Variants in SP140 observed in about 807,000 individuals in gnomAD.
SP140 encodes the protein SP140 nuclear body protein, also known as nuclear body protein SP140.
Under a neutral mutation model 125.0 loss-of-function variants are expected in SP140, and 81 were observed. The observed-to-expected ratio is 0.65, with a 90% CI of 0.54 to 0.78. The LOEUF (loss-of-function observed/expected upper bound fraction) is 0.78. Among genes scored for constraint, SP140 ranks in the 30% least tolerant of loss-of-function variants. The pLI is 0.00. For synonymous variants in SP140, 312 were observed against 354.0 expected, an observed-to-expected ratio of 0.88 and a Z score of 1.33; for missense variants, 858 against 1,037.0, an observed-to-expected ratio of 0.83 and a Z score of 2.37.
At chr2:230,301,214 A>G (rs10174945) in intron 22 of SP140, among the ~76,000 whole-genome samples, 1,684 of 152,348 alleles carry the variant, frequency 0.011, 34 homozygotes, top group African/African-American at 0.038. Flanking sequence ...TTTGGAAAAC[A>G]TATTCGCGGG....
intron 1 of SP140, among the ~76,000 whole-genome samples, chr2:230,231,417 G>A (rs1416471282): frequency 6.6e-6 from 1 of 152,136 alleles, no homozygotes; most frequent in Non-Finnish European, 1.5e-5. Context: ...TAGGAAATGG[G>A]CCATATCTAA....
chr2:230,249,312 G>C (rs1457156186), intron 9 of SP140, among the ~76,000 whole-genome samples: 2 of 152,108 alleles, frequency 1.3e-5, no homozygotes, highest in Non-Finnish European at 2.9e-5. Context: ...ACGCAGGGGA[G>C]AATGTTTTCA....
At chr2:230,254,813 A>G (rs1460777626) in intron 11 of SP140, among the ~76,000 whole-genome samples, 2 of 152,146 alleles carry the variant, frequency 1.3e-5, no homozygotes, top group African/African-American at 2.4e-5. Context: ...GCCCCAGCCC[A>G]TATCATCTGT....
chr2:230,310,134 G>T (rs967482306), intron 23 of SP140, 95 bp downstream of exon 23: 2 of 1,223,246 alleles, frequency 1.6e-6, no homozygotes, highest in African/African-American at 3.0e-5. Context: ...GTGTCTAGAT[G>T]GGGAAAGAGC....
At chr2:230,216,908 G>T (rs768410119) in intron 3 of SP140, 3 of 1,613,734 alleles carry the variant, frequency 1.9e-6, no homozygotes, top group Non-Finnish European at 2.5e-6. Context: ...CTCTTCCATG[G>T]CTCTTGTCAT....
chr2:230,276,674 C>G (rs2054760052), intron 15 of SP140, among the ~76,000 whole-genome samples: 1 of 152,152 alleles, frequency 6.6e-6, no homozygotes, highest in Non-Finnish European at 1.5e-5. Flanking sequence ...ATAGCTGTCT[C>G]TATACATAAT....
intron 3 of SP140, chr2:230,219,700 T>A (rs1183031651): frequency 6.5e-6 from 1 of 154,958 alleles, no homozygotes; most frequent in East Asian, 1.9e-4. Context: ...GTGTCAGTGT[T>A]CCCTCCATGT....
At chr2:230,207,878 C>T in intron 1 of SP140, 1 of 690,012 alleles carries the variant, frequency 1.4e-6, no homozygotes, top group Admixed American at 2.4e-5. Context: ...GACTAAATCT[C>T]TTCAATGGCT....
Position 230,237,029 on chromosome 2 carries a change from A to C in SP140, c.60-54A>C. The stretch of plus-strand genomic sequence containing the variant: ...TCATGTCTAAAATCTTCTAACCACC[A>C]CAAACCTCTTGGAAACTCAGTGTCT... On this transcript the variant is annotated intron_variant, in intron 1 of 26. Coordinates refer to ENST00000392045, the MANE Select transcript of SP140 (RefSeq NM_007237.5). The surrounding 1 kb of genome is among the most constrained non-coding windows in gnomAD (Gnocchi z 5.4). 1 of 1,446,958 alleles carries C rather than the reference A, an allele frequency of 6.9e-7. No individual in the cohort carries two copies. Among genetic ancestry groups the C allele is most frequent in the South Asian group, 1.5e-5 (1 of 66,644 alleles). 89.6% of individuals were successfully genotyped at this position (1,446,958 alleles called of 1,614,324 possible).
chr2:230,292,547 AT>A (rs1240103597), intron 19 of SP140, 98 bp from the exon 20 acceptor site: 6 of 1,490,552 alleles, frequency 4.0e-6, no homozygotes, highest in African/African-American at 1.4e-5. Flanking sequence ...ATTGATCTGC[AT>A]CACAAATTGG....
intron 3 of SP140, among the ~76,000 whole-genome samples, chr2:230,240,811 C>T (rs764762559): frequency 1.2e-4 from 19 of 152,108 alleles, no homozygotes; most frequent in Non-Finnish European, 2.5e-4. Context: ...TAGGTATTTA[C>T]ATGAGAGAAA....
At chr2:230,238,972 G>A in intron 3 of SP140, 2 of 1,507,512 alleles carry the variant, frequency 1.3e-6, no homozygotes, top group South Asian at 1.3e-5. Context: ...TGACTCTGGA[G>A]AAAGAAGTTG....
At chr2:230,301,214 A>T (rs10174945) in intron 22 of SP140, among the ~76,000 whole-genome samples, 1 of 152,236 alleles carries the variant, frequency 6.6e-6, no homozygotes, top group Non-Finnish European at 1.5e-5. Context: ...TTTGGAAAAC[A>T]TATTCGCGGG....
At chr2:230,273,747 C>G (rs960213961) in intron 15 of SP140, among the ~76,000 whole-genome samples, 2 of 152,110 alleles carry the variant, frequency 1.3e-5, no homozygotes, top group African/African-American at 4.8e-5. Context: ...TCATGTACAC[C>G]ATGGAGTACT....
chr2:230,218,502 A>G (rs570823489), intron 3 of SP140, among the ~76,000 whole-genome samples: 6 of 152,338 alleles, frequency 3.9e-5, no homozygotes, highest in Admixed American at 3.9e-4. Context: ...TGCAAAGATC[A>G]GTGCAAAGTC....
intron 22 of SP140, 78 bp downstream of exon 22, chr2:230,297,540 T>G: frequency 6.6e-7 from 1 of 1,523,474 alleles, no homozygotes; most frequent in Non-Finnish European, 9.1e-7. Context: ...TCATGACTGC[T>G]GTTGCCTGAA....
chr2:230,283,493 T>C (rs1389559626), intron 15 of SP140, among the ~76,000 whole-genome samples: 1 of 152,174 alleles, frequency 6.6e-6, no homozygotes. Flanking sequence ...GAATGAGGCA[T>C]CATCCCTAGG....
rs1288890822 is a variant in SP140, at chr2:230,235,907, G to A, written c.60-1176G>A. On this transcript the variant is annotated intron_variant, in intron 1 of 26. Coordinates refer to ENST00000392045, the MANE Select transcript of SP140 (RefSeq NM_007237.5). ...TTTTTTTTTTTTGAGATGGAGTCTT[G>A]CCTCTGTCACTCAGGCTGGAGTGCA... 2.8e-5 allele frequency among the ~76,000 whole-genome samples: 3 copies of A among 106,602 alleles called. No individual in the cohort carries two copies. The East Asian group carries it at 9.3e-4, about 33-fold the overall frequency. The allele number at this position is 106,602 out of a possible 152,430, so 69.9% of individuals were successfully genotyped here.
chr2:230,193,599 C>T, the SP140 span, among the ~76,000 whole-genome samples: 1 of 152,212 alleles, frequency 6.6e-6, no homozygotes, highest in Non-Finnish European at 1.5e-5. Context: ...GACTTTATTT[C>T]TCCTTCATTC....
Sources: gnomAD v4.1 joint callset for allele counts (sites outside exome capture counted in the v4.1 genomes callset) on GRCh38, gnomAD v4.1.1 for gene constraint, Gnocchi (gnomAD v3.1) non-coding constraint, MANE v1.5 for transcripts, NCBI Gene and HGNC (gene_info 2026-07-23, HGNC 2026-07-21) for gene names.